The following KCNIP4 variants were observed in gnomAD, a reference collection of about 807,000 sequenced individuals.
KCNIP4 encodes potassium voltage-gated channel interacting protein 4.
In KCNIP4, 12 loss-of-function variants were observed where a neutral mutation model predicts 34.0. That is an observed-to-expected ratio of 0.35 (90% CI 0.23 to 0.57). The LOEUF (loss-of-function observed/expected upper bound fraction) is 0.57. KCNIP4 is among the 20% of genes least tolerant of loss of function. The pLI is 0.83. For missense variants in KCNIP4, 238 were observed against 311.7 expected (o/e 0.76, Z 1.78); for synonymous variants, 124 against 102.2 (o/e 1.21, Z -1.29).
chr4:21,078,865 T>C (rs1745750837), intron 1 of KCNIP4, among the ~76,000 whole-genome samples: 1 of 152,062 alleles, frequency 6.6e-6, no homozygotes, highest in Non-Finnish European at 1.5e-5. Flanking sequence ...AGGCGAATTA[T>C]TTATTTGGTT....
chr4:21,337,978 A>G (rs1433333446), intron 1 of KCNIP4, among the ~76,000 whole-genome samples: 2 of 152,102 alleles, frequency 1.3e-5, no homozygotes, highest in African/African-American at 2.4e-5. Context: ...GACCGGCTCT[A>G]TGGTATCGCT....
At chr4:21,169,463 A>G (rs949512746) in intron 1 of KCNIP4, among the ~76,000 whole-genome samples, 2 of 151,990 alleles carry the variant, frequency 1.3e-5, no homozygotes, top group Non-Finnish European at 2.9e-5. Flanking sequence ...GCTGAATTAA[A>G]ACTCTAGAGA....
At position 21,910,165 on chromosome 4, in the gene KCNIP4, T is replaced by C. The variant is rs186784570; in HGVS notation, c.61+38406A>G. Among the ~76,000 whole-genome samples, 26 of 152,186 alleles carry C rather than the reference T, an allele frequency of 1.7e-4. No individual in the cohort carries two copies. In the East Asian group the frequency reaches 4.8e-3, roughly 28 times the overall value. ...TCTCTCTGATAAAAGGCTCAAACAC[T>C]GACACATCTACCCAAAAGAAGGAGA... is the stretch of plus-strand genomic sequence containing the variant. On this transcript the variant is annotated intron_variant, in intron 1 of 8. Coordinates refer to ENST00000382152, the MANE Select transcript of KCNIP4 (RefSeq NM_025221.6).
chr4:21,664,825 T>C lies in KCNIP4; in HGVS notation c.61+283746A>G, dbSNP rs186099401. On this transcript the variant is annotated intron_variant, in intron 1 of 8. Transcript: ENST00000382152. ...TGCCTACTGTGAAGACTTTTGTGCA[T>C]TGCACAACTTTATGGCATTGTTTTT... Among the ~76,000 whole-genome samples the C allele has an allele frequency of 1.2e-3, 189 of 152,364 alleles. 1 individual carries two copies. In the Middle Eastern group the frequency reaches 0.014, roughly 11 times the overall value.
At chr4:21,082,619 A>G (rs746309190) in intron 1 of KCNIP4, among the ~76,000 whole-genome samples, 3 of 151,732 alleles carry the variant, frequency 2.0e-5, no homozygotes, top group Non-Finnish European at 4.4e-5. Context: ...CAGGAGGAAG[A>G]AGTAATAAAG....
intron 1 of KCNIP4, among the ~76,000 whole-genome samples, chr4:21,400,518 CTCTTCTCTTCTCTTCTCTT>C (rs1560369208): frequency 1.6e-4 from 5 of 31,346 alleles, no homozygotes; most frequent in African/African-American, 6.9e-4. Flanking sequence ...CCTTCCTCTT[CTCTTCTCTTCTCTTCTCTT>C]CTCTTCTCTT....
At chr4:20,964,935 G>T (rs796492061) in intron 1 of KCNIP4, among the ~76,000 whole-genome samples, 23 of 152,176 alleles carry the variant, frequency 1.5e-4, no homozygotes, top group African/African-American at 5.3e-4. Flanking sequence ...ACAAATACTG[G>T]CTAGTAGTGT....
chr4:20,784,527 G>A (rs1711662438), intron 3 of KCNIP4, among the ~76,000 whole-genome samples: 1 of 152,018 alleles, frequency 6.6e-6, no homozygotes, highest in South Asian at 2.1e-4. Flanking sequence ...CTTAAAGGTT[G>A]GGACTTTCAT....
chr4:21,735,339 G>A (rs1229208743), intron 1 of KCNIP4, among the ~76,000 whole-genome samples: 8 of 152,042 alleles, frequency 5.3e-5, no homozygotes, highest in East Asian at 3.9e-4. Context: ...ATTGGATGAA[G>A]TTATAATTCA....
At chr4:20,756,341 G>C (rs1177084169) in intron 4 of KCNIP4, among the ~76,000 whole-genome samples, 1 of 152,032 alleles carries the variant, frequency 6.6e-6, no homozygotes, top group Non-Finnish European at 1.5e-5. Flanking sequence ...CCGATTCATG[G>C]ACTCCACTAT....
rs538644296 is a variant in KCNIP4 at position 21,519,517 on chromosome 4, CAT to C, written c.61+429052_61+429053del. ...GTGTGTATGTGTATGTGTATATACA[CAT>C]ATGTGTGTATGTGTATGTGTATATA... On this transcript the variant is annotated intron_variant, in intron 1 of 8. Coordinates refer to ENST00000382152, the MANE Select transcript of KCNIP4 (RefSeq NM_025221.6). 3.2e-4 allele frequency among the ~76,000 whole-genome samples: 20 copies of C among 63,460 alleles called. 2 individuals are homozygous for C. Among genetic ancestry groups the C allele is most frequent in the South Asian group, 5.0e-4 (1 of 1,990 alleles). The allele number at this position is 63,460 out of a possible 152,430, so 41.6% of individuals were successfully genotyped here.
At chr4:20,882,859 G>GAAAA in intron 1 of KCNIP4, 150 bp from the exon 2 acceptor site, 2 of 439,924 alleles carry the variant, frequency 4.5e-6, no homozygotes, top group South Asian at 1.3e-4. Context: ...CCCCCGAAAG[G>GAAAA]AAAAAAAAAG....
Position 21,092,961 on chromosome 4 carries a change from G to A in KCNIP4, c.62-210252C>T, listed in dbSNP as rs563102258. On this transcript the variant is annotated intron_variant, in intron 1 of 8. Transcript: ENST00000382152. ...TACAAGGTAAAATCTATCATTCAAA[G>A]GCATACAAGTACTTTGCAACTACGA... Among the ~76,000 whole-genome samples the A allele has an allele frequency of 3.1e-4, 47 of 152,322 alleles. No individual in the cohort carries two copies. In the South Asian group the frequency reaches 5.4e-3, roughly 17 times the overall value.
intron 1 of KCNIP4, among the ~76,000 whole-genome samples, chr4:21,928,865 C>A (rs966703380): frequency 1.4e-5 from 2 of 146,904 alleles, no homozygotes; most frequent in African/African-American, 4.9e-5. Context: ...TATTCCTTCC[C>A]GAGATCAACC....
At chr4:21,361,051 C>CATCATT (rs1007495636) in intron 1 of KCNIP4, among the ~76,000 whole-genome samples, 1 of 152,104 alleles carries the variant, frequency 6.6e-6, no homozygotes, top group Non-Finnish European at 1.5e-5. Context: ...TCATCATCAT[C>CATCATT]ATCATTTAAT....
chr4:21,074,586 C>T (rs1193783344), intron 1 of KCNIP4, among the ~76,000 whole-genome samples: 1 of 152,094 alleles, frequency 6.6e-6, no homozygotes, highest in Non-Finnish European at 1.5e-5. Context: ...TTCAAAAAAC[C>T]AGCTCCTGGA....
intron 1 of KCNIP4, among the ~76,000 whole-genome samples, chr4:21,382,137 A>G (rs1463067445): frequency 6.6e-6 from 1 of 152,250 alleles, no homozygotes; most frequent in Admixed American, 6.5e-5. Context: ...AGATAACAGC[A>G]CATGCTGAAA....
intron 1 of KCNIP4, among the ~76,000 whole-genome samples, chr4:21,179,827 T>C (rs762012025): frequency 3.3e-5 from 5 of 152,206 alleles, no homozygotes; most frequent in Admixed American, 1.3e-4. Context: ...TCCTTTCAAA[T>C]GTCAACTCAT....
chr4:20,777,782 T>C (rs1037166126), intron 3 of KCNIP4, among the ~76,000 whole-genome samples: 1 of 152,174 alleles, frequency 6.6e-6, no homozygotes, highest in African/African-American at 2.4e-5. Context: ...TCCTGAGGGA[T>C]ATCCCAGAGA....
Sources: allele counts gnomAD v4.1 joint callset (sites outside exome capture counted in the v4.1 genomes callset), GRCh38; gene constraint gnomAD v4.1.1; transcripts MANE v1.5; gene names NCBI Gene and HGNC (gene_info 2026-07-23, HGNC 2026-07-21).